The following CD28 variants were observed in gnomAD, a reference collection of about 807,000 sequenced individuals.
The protein encoded by CD28 is T-cell-specific surface glycoprotein CD28.
In CD28, 8 loss-of-function variants were observed where a neutral mutation model predicts 21.4. The observed-to-expected ratio is 0.37, with a 90% CI of 0.22 to 0.68. The LOEUF (loss-of-function observed/expected upper bound fraction) is 0.68. Among genes scored for constraint, CD28 ranks in the 30% least tolerant of loss-of-function variants. CD28 has a pLI of 0.55. For missense variants in CD28, 239 were observed against 272.2 expected, an observed-to-expected ratio of 0.88 and a Z score of 0.86; for synonymous variants, 106 against 104.0, an observed-to-expected ratio of 1.02 and a Z score of -0.12.
chr2:203,723,270 T>C (rs1276612801), intron 1 of CD28, among the ~76,000 whole-genome samples: 1 of 152,148 alleles, frequency 6.6e-6, no homozygotes, highest in Admixed American at 6.5e-5. Flanking sequence ...GCAGATCATC[T>C]GAGGTCAGGA....
chr2:203,707,782 C>G (rs1231153060), intron 1 of CD28, among the ~76,000 whole-genome samples: 1 of 152,190 alleles, frequency 6.6e-6, no homozygotes, highest in Non-Finnish European at 1.5e-5. Context: ...CTTAGTCTGA[C>G]TCCAGTGCCG....
At chr2:203,730,390 A>C (rs1033307691) in intron 3 of CD28, among the ~76,000 whole-genome samples, 3 of 152,204 alleles carry the variant, frequency 2.0e-5, no homozygotes, top group Non-Finnish European at 4.4e-5. Flanking sequence ...TGTTTACGTA[A>C]TAAATGTGGT....
intron 2 of CD28, among the ~76,000 whole-genome samples, chr2:203,727,561 G>A (rs1392946499): frequency 2.0e-5 from 3 of 151,346 alleles, no homozygotes; most frequent in Non-Finnish European, 4.4e-5. Context: ...TTCACTGCAA[G>A]CTCTGCCTCC....
At chr2:203,728,012 G>C (rs1693799067) in intron 2 of CD28, among the ~76,000 whole-genome samples, 1 of 150,730 alleles carries the variant, frequency 6.6e-6, no homozygotes, top group Admixed American at 6.6e-5. Flanking sequence ...GGGTTTCACC[G>C]TGTTAGCAAG....
chr2:203,733,473 T>C (rs755128789), intron 3 of CD28, among the ~76,000 whole-genome samples: 6 of 151,986 alleles, frequency 3.9e-5, no homozygotes, highest in Middle Eastern at 3.2e-3. Flanking sequence ...TTTAGACATG[T>C]TGAGTTTAGA....
At chr2:203,727,039 T>C (rs1225634487) in intron 2 of CD28, 50 bp downstream of exon 2, 1 of 1,167,048 alleles carries the variant, frequency 8.6e-7, no homozygotes. Context: ...GGTTTTCAAA[T>C]GCAGTCCTGA....
chr2:203,707,982 G>A (rs1459020632), intron 1 of CD28, among the ~76,000 whole-genome samples: 3 of 152,100 alleles, frequency 2.0e-5, no homozygotes, highest in Non-Finnish European at 2.9e-5. Flanking sequence ...AAAGGCCCCC[G>A]CTTGGTTCAA....
intron 3 of CD28, among the ~76,000 whole-genome samples, chr2:203,731,961 C>A (rs1021528761): frequency 6.6e-6 from 1 of 152,180 alleles, no homozygotes; most frequent in Non-Finnish European, 1.5e-5. Flanking sequence ...TACTCTCTTA[C>A]CAAAAGAGTA....
rs1033252267 is a variant in CD28 at position 203,729,681 on chromosome 2, G to T, written c.443G>T (p.Gly148Val). The T allele has an allele frequency of 6.2e-7, 1 of 1,614,086 alleles. No individual in the cohort carries two copies. Among genetic ancestry groups the T allele is most frequent in the African/African-American group, 1.3e-5 (1 of 75,024 alleles). ...KHLCPSPLFP[G>V]PSKPFWVLVV... ...CTTTGTCCAAGTCCCCTATTTCCCG[G>T]ACCTTCTAAGCCCTTTTGGGTGCTG... The change falls in exon 3 of 4, where the codon GGA becomes GTA. Residue 148 changes from glycine (G) to valine (V), a missense_variant. Gly to Val is a moderately radical substitution (Grantham distance 109). Around this residue, in one of 3 missense-constraint regions of CD28, gnomAD observed 112 missense variants for 112.8 expected, o/e 0.99. Transcript: ENST00000324106.
intron 3 of CD28, among the ~76,000 whole-genome samples, chr2:203,734,397 AAC>A (rs1265529103): frequency 6.6e-6 from 1 of 152,238 alleles, no homozygotes; most frequent in Non-Finnish European, 1.5e-5. Flanking sequence ...ATTATGGAAA[AAC>A]AGCTTGTTAA....
chr2:203,723,589 T>C (rs1216283922), intron 1 of CD28, among the ~76,000 whole-genome samples: 1 of 152,142 alleles, frequency 6.6e-6, no homozygotes, highest in Non-Finnish European at 1.5e-5. Flanking sequence ...ATGATCTGAA[T>C]AGAGAGTTCT....
At chr2:203,712,657 A>T (rs1460498188) in intron 1 of CD28, among the ~76,000 whole-genome samples, 1 of 152,238 alleles carries the variant, frequency 6.6e-6, no homozygotes, top group Non-Finnish European at 1.5e-5. Context: ...CTCAATAAAT[A>T]TTTGTTGAAG....
At position 203,723,804 on chromosome 2, in the gene CD28, T is replaced by C. The variant is rs937213404; in HGVS notation, c.53-2829T>C. ...ATTCACTGCTGGTGAGAATGTACAA[T>C]GGTGCAGTTGCTTTGGCAACAGTTT... On this transcript the variant is annotated intron_variant, in intron 1 of 3. Transcript: ENST00000324106. 5.9e-5 allele frequency among the ~76,000 whole-genome samples: 9 copies of C among 152,278 alleles called. No individual in the cohort carries two copies. In the East Asian group the frequency reaches 1.7e-3, roughly 29 times the overall value.
chr2:203,706,831 T>A, intron 1 of CD28, 83 bp downstream of exon 1: 1 of 1,084,510 alleles, frequency 9.2e-7, no homozygotes, highest in East Asian at 2.4e-5. Flanking sequence ...TTTCTAACAA[T>A]GTGTGAAATT....
chr2:203,738,297 A>G lies in CD28; in HGVS notation c.*3385A>G, dbSNP rs1378028344. Reference sequence around the variant, plus strand: ...CTGATCCCTTATCCCAGCCATTTGCACTGCCAGCTGGGAACTATACCAGAC... The same window carrying G: ...CTGATCCCTTATCCCAGCCATTTGCGCTGCCAGCTGGGAACTATACCAGAC... On this transcript the variant is annotated 3_prime_UTR_variant, in exon 4 of 4. Transcript: ENST00000324106. 6.6e-6 allele frequency: 1 copy of G among 152,160 alleles called. No individual in the cohort carries two copies. Among genetic ancestry groups the G allele is most frequent in the African/African-American group, 2.4e-5 (1 of 41,448 alleles). 9.4% of individuals were successfully genotyped at this position (152,160 alleles called of 1,614,324 possible). A position where few individuals can be genotyped will look rare whatever the true frequency, so the allele number is the denominator to read the frequency against.
Position 203,726,764 on chromosome 2 carries a change from G to T in CD28, c.184G>T (p.Ala62Ser), listed in dbSNP as rs187859903. The T allele has an allele frequency of 6.2e-7, 1 of 1,614,142 alleles. No homozygotes were observed. Among genetic ancestry groups the T allele is most frequent in the Non-Finnish European group, 8.5e-7 (1 of 1,180,016 alleles). Reference sequence around the variant, plus strand: ...ATCCCTTCACAAAGGACTGGATAGTGCTGTGGAAGTCTGTGTTGTATATGG... The same window carrying T: ...ATCCCTTCACAAAGGACTGGATAGTTCTGTGGAAGTCTGTGTTGTATATGG... ...RASLHKGLDS[A>S]VEVCVVYGNY... Residue 62 changes from alanine (A) to serine (S), a missense_variant, in exon 2 of 4, where the codon GCT becomes TCT. Coordinates refer to ENST00000324106, the MANE Select transcript of CD28 (RefSeq NM_006139.4).
intron 3 of CD28, among the ~76,000 whole-genome samples, chr2:203,730,181 A>G (rs1693850448): frequency 6.6e-6 from 1 of 152,238 alleles, no homozygotes; most frequent in Admixed American, 6.5e-5. Flanking sequence ...ATCAAAAATC[A>G]TGAGAAACTT....
intron 1 of CD28, among the ~76,000 whole-genome samples, chr2:203,711,917 T>C (rs542449249): frequency 6.6e-6 from 1 of 152,234 alleles, no homozygotes; most frequent in Admixed American, 6.6e-5. Context: ...ATAGGCCGGA[T>C]ATGGTGCCTC....
chr2:203,736,042 C>T lies in CD28; in HGVS notation c.*1130C>T, dbSNP rs561375523. 3.0e-5 allele frequency: 4 copies of T among 132,792 alleles called. No homozygotes were observed. Among genetic ancestry groups the T allele is most frequent in the African/African-American group, 7.8e-5 (3 of 38,470 alleles). 8.2% of individuals were successfully genotyped at this position (132,792 alleles called of 1,614,324 possible). A position where few individuals can be genotyped will look rare whatever the true frequency, so the allele number is the denominator to read the frequency against. On this transcript the variant is annotated 3_prime_UTR_variant, in exon 4 of 4. Transcript: ENST00000324106. ...CAACAACAACAACAACAACAACAAA[C>T]CACAAAATTATTTGAGTACTGTGAA...
Sources: gnomAD v4.1 joint callset for allele counts (sites outside exome capture counted in the v4.1 genomes callset) on GRCh38, gnomAD v4.1.1 for gene constraint, gnomAD v4.1.1 regional missense constraint, MANE v1.5 for transcripts, NCBI Gene and HGNC (gene_info 2026-07-23, HGNC 2026-07-21) for gene names.